The following RASSF4 variants were observed in gnomAD, a reference collection of about 807,000 sequenced individuals.
RASSF4 encodes the protein Ras association domain family member 4.
A neutral mutation model predicts 41.1 loss-of-function variants in RASSF4; 38 were observed. The observed-to-expected ratio is 0.92, with a 90% CI of 0.71 to 1.21. RASSF4 has a LOEUF of 1.21. Among genes scored for constraint, RASSF4 ranks in the 50% most tolerant of loss-of-function variants. The pLI, the probability that RASSF4 is intolerant of heterozygous loss-of-function variation, is 0.00. For missense variants in RASSF4, 414 were observed against 419.4 expected (o/e 0.99, Z 0.11); for synonymous variants, 179 against 163.4 (o/e 1.10, Z -0.73).
intron 1 of RASSF4, among the ~76,000 whole-genome samples, chr10:44,966,087 C>G (rs945097574): frequency 2.6e-5 from 4 of 152,182 alleles, no homozygotes; most frequent in Non-Finnish European, 4.4e-5. Context: ...CATACATTTT[C>G]TATTTGAACA....
At chr10:44,987,253 G>A (rs78739571) in intron 6 of RASSF4, among the ~76,000 whole-genome samples, 6 of 151,902 alleles carry the variant, frequency 3.9e-5, no homozygotes, top group Admixed American at 1.3e-4. Flanking sequence ...TGCGCACCAC[G>A]ATGCCTGGCT....
In RASSF4 at chr10:44,982,795, A is replaced by G. The variant is rs1841771270; in HGVS notation, c.281+132A>G. The G allele has an allele frequency of 3.0e-6, 3 of 1,009,544 alleles. No individual in the cohort carries two copies. In the East Asian group the frequency reaches 7.8e-5, roughly 26 times the overall value. The allele number at this position is 1,009,544 out of a possible 1,614,324, so 62.5% of individuals were successfully genotyped here. A position where few individuals can be genotyped will look rare whatever the true frequency, so the allele number is the denominator to read the frequency against. On this transcript the variant is annotated intron_variant, in intron 4 of 10. Coordinates refer to ENST00000340258, the MANE Select transcript of RASSF4 (RefSeq NM_032023.4). ...AGGAGGGTGACCCAGCCTCATCCCCATGCCCTGTGACTGCCTCAGTCCACA... is the reference window on the plus strand; with the variant it reads ...AGGAGGGTGACCCAGCCTCATCCCCGTGCCCTGTGACTGCCTCAGTCCACA...
chr10:44,992,135 C>T (rs1235148383), intron 10 of RASSF4, 133 bp downstream of exon 10: 2 of 614,052 alleles, frequency 3.3e-6, no homozygotes, highest in Non-Finnish European at 5.8e-6. Context: ...GGCCTGCTAA[C>T]CCTAGCTCCC....
intron 1 of RASSF4, among the ~76,000 whole-genome samples, chr10:44,968,353 C>A (rs1428664290): frequency 1.3e-5 from 2 of 152,126 alleles, no homozygotes; most frequent in Non-Finnish European, 2.9e-5. Context: ...ATCCCTGTTG[C>A]CTGGCCAAGA....
chr10:44,965,620 A>G (rs1363475177), intron 1 of RASSF4, among the ~76,000 whole-genome samples: 3 of 152,158 alleles, frequency 2.0e-5, no homozygotes, highest in Admixed American at 1.3e-4. Flanking sequence ...CAAGGTTCCC[A>G]CCCTGTAAGG....
At chr10:44,977,462 C>T (rs563566340) in intron 3 of RASSF4, 22 of 1,611,792 alleles carry the variant, frequency 1.4e-5, no homozygotes, top group African/African-American at 5.3e-5. Flanking sequence ...GGGGCGGTGG[C>T]GGGAGGCCAT....
rs34122459 is a variant in RASSF4 at position 44,969,104 on chromosome 10, G to GT, written c.-38-1056dup. Among the ~76,000 whole-genome samples the GT allele has an allele frequency of 9.0e-3, 1,340 of 149,570 alleles. 12 individuals are homozygous for GT. Among genetic ancestry groups the GT allele is most frequent in the Non-Finnish European group, 0.013 (878 of 67,264 alleles). Reference sequence around the variant, plus strand: ...TGTGCATGTGATTGTGTATGCGTGTGTTTTTGTGTGTGTGTGTGTGTGTGT... The same window carrying GT: ...TGTGCATGTGATTGTGTATGCGTGTGTTTTTTGTGTGTGTGTGTGTGTGTGT... On this transcript the variant is annotated intron_variant, in intron 1 of 10. Coordinates refer to ENST00000340258, the MANE Select transcript of RASSF4 (RefSeq NM_032023.4).
intron 1 of RASSF4, among the ~76,000 whole-genome samples, chr10:44,963,849 A>G (rs927443737): frequency 6.6e-6 from 1 of 152,228 alleles, no homozygotes; most frequent in African/African-American, 2.4e-5. Context: ...TGAGGACACC[A>G]CATCTGTGTT....
intron 6 of RASSF4, among the ~76,000 whole-genome samples, chr10:44,985,479 A>G (rs1394224748): frequency 2.0e-5 from 3 of 152,236 alleles, no homozygotes; most frequent in Non-Finnish European, 4.4e-5. Context: ...TCTATAAACA[A>G]ACTGAACTGT....
chr10:44,982,460 G>C (rs1841751691), intron 3 of RASSF4, 61 bp from the exon 4 acceptor site: 1 of 1,585,908 alleles, frequency 6.3e-7, no homozygotes, highest in South Asian at 1.1e-5. Context: ...CCCATCCCTA[G>C]GGGGCACAGG....
At chr10:44,986,604 A>C (rs1841928686) in intron 6 of RASSF4, among the ~76,000 whole-genome samples, 2 of 152,222 alleles carry the variant, frequency 1.3e-5, no homozygotes, top group Admixed American at 1.3e-4. Flanking sequence ...TTGGGACAGT[A>C]GCTCCCCCAC....
At chr10:44,977,451 G>C (rs199694570) in intron 3 of RASSF4, 2 of 1,611,378 alleles carry the variant, frequency 1.2e-6, no homozygotes, top group Non-Finnish European at 1.7e-6. Flanking sequence ...CTGCTGGGGC[G>C]GGGGCGGTGG....
At chr10:44,967,645 T>C (rs1024249510) in intron 1 of RASSF4, among the ~76,000 whole-genome samples, 1 of 152,138 alleles carries the variant, frequency 6.6e-6, no homozygotes, top group African/African-American at 2.4e-5. Context: ...TTTGGAAGAG[T>C]AGACTTGGAG....
Position 44,970,155 on chromosome 10 carries a change from G to T in RASSF4, c.-38-10G>T. On this transcript the variant is annotated splice_polypyrimidine_tract_variant and intron_variant, in intron 1 of 10. Coordinates refer to ENST00000340258, the MANE Select transcript of RASSF4 (RefSeq NM_032023.4). ...CTCACCTGTCTGTCCACCCTTCCTT[G>T]TCTTCCCAGCAAGTAACTTCTAGGT... 1 of 1,551,250 alleles carries T rather than the reference G, an allele frequency of 6.4e-7. No homozygotes were observed. The highest frequency in any genetic ancestry group is 8.9e-7 in the Non-Finnish European group (1 of 1,123,278).
intron 2 of RASSF4, 169 bp from the exon 3 acceptor site, chr10:44,971,604 C>A (rs1235325547): frequency 1.4e-6 from 1 of 709,926 alleles, no homozygotes; most frequent in South Asian, 1.5e-5. Context: ...GCAGAACCAT[C>A]CGGGTGCATT....
At chr10:44,983,216 G>T (rs1025993631) in intron 4 of RASSF4, 3 of 341,900 alleles carry the variant, frequency 8.8e-6, no homozygotes, top group African/African-American at 4.3e-5. Context: ...GCTGGGCCTT[G>T]CCTGCTTCTG....
chr10:44,984,290 T>C, intron 5 of RASSF4, 177 bp downstream of exon 5: 1 of 624,892 alleles, frequency 1.6e-6, no homozygotes, highest in East Asian at 2.8e-5. Context: ...TCATTCTCGC[T>C]CCTTTTTATG....
chr10:44,966,743 G>GGTTT (rs1840917613), intron 1 of RASSF4, among the ~76,000 whole-genome samples: 1 of 152,146 alleles, frequency 6.6e-6, no homozygotes, highest in Admixed American at 6.5e-5. Flanking sequence ...TGAGGTCCTA[G>GGTTT]AAGAAACCTA....
chr10:44,992,778 C>T (rs1021881517), intron 10 of RASSF4, among the ~76,000 whole-genome samples: 2 of 152,180 alleles, frequency 1.3e-5, no homozygotes, highest in African/African-American at 2.4e-5. Context: ...CCTGTCTGTG[C>T]AGCCAGACCC....
Sources: gnomAD v4.1 joint callset for allele counts (sites outside exome capture counted in the v4.1 genomes callset) on GRCh38, gnomAD v4.1.1 for gene constraint, MANE v1.5 for transcripts, NCBI Gene and HGNC (gene_info 2026-07-23, HGNC 2026-07-21) for gene names.